FOXN3: variants seen among roughly 807,000 people sequenced by gnomAD.
FOXN3 encodes forkhead box protein N3.
In FOXN3, 7 loss-of-function variants were observed where a neutral mutation model predicts 38.4. The observed-to-expected ratio is 0.18, with a 90% CI of 0.10 to 0.34. The LOEUF is 0.34. Among genes scored for constraint, FOXN3 ranks in the 10% least tolerant of loss-of-function variants. The probability of loss-of-function intolerance (pLI) is 1.00; values close to 1 mark genes in which losing one functional copy is unlikely to be tolerated. For synonymous variants in FOXN3, 230 were observed against 242.2 expected (o/e 0.95, Z 0.47); for missense variants, 456 against 613.4 (o/e 0.74, Z 2.71).
chr14:89,382,909 A>G (rs1890689817), intron 2 of FOXN3, among the ~76,000 whole-genome samples: 1 of 152,130 alleles, frequency 6.6e-6, no homozygotes, highest in Non-Finnish European at 1.5e-5. Flanking sequence ...CCTGGGTCCA[A>G]GACGGGAGAA....
At chr14:89,198,147 T>A (rs759993771) in intron 4 of FOXN3, among the ~76,000 whole-genome samples, 1 of 152,222 alleles carries the variant, frequency 6.6e-6, no homozygotes, top group Non-Finnish European at 1.5e-5. Flanking sequence ...CTGACATGTA[T>A]ACTATGTAGT....
At chr14:89,605,358 T>C (rs1896249940) in intron 1 of FOXN3, among the ~76,000 whole-genome samples, 1 of 151,842 alleles carries the variant, frequency 6.6e-6, no homozygotes, top group African/African-American at 2.4e-5. Context: ...TAGAAAAGGA[T>C]CTAGAAATAA....
intron 2 of FOXN3, among the ~76,000 whole-genome samples, chr14:89,362,498 T>C (rs1311080290): frequency 0.015 from 3 of 204 alleles, no homozygotes; most frequent in African/African-American, 0.026. Context: ...ACCACCACCA[T>C]CTCCACCACC....
chr14:89,376,725 C>T (rs1020475248), intron 2 of FOXN3, among the ~76,000 whole-genome samples: 1 of 151,866 alleles, frequency 6.6e-6, no homozygotes, highest in African/African-American at 2.4e-5. Flanking sequence ...TTTAAATAAG[C>T]TTGAGCTGCC....
intron 4 of FOXN3, among the ~76,000 whole-genome samples, chr14:89,181,710 G>T (rs1887679631): frequency 6.6e-6 from 1 of 152,172 alleles, no homozygotes; most frequent in South Asian, 2.1e-4. Context: ...TTGTCTGAGG[G>T]TTACCTAAGA....
At chr14:89,508,640 G>A (rs1055309418) in intron 1 of FOXN3, among the ~76,000 whole-genome samples, 1 of 152,182 alleles carries the variant, frequency 6.6e-6, no homozygotes. Flanking sequence ...GACATGTTTT[G>A]AGCAGCCCCC....
chr14:89,463,107 G>A (rs934147304), intron 1 of FOXN3, among the ~76,000 whole-genome samples: 1 of 149,864 alleles, frequency 6.7e-6, no homozygotes. Context: ...GGCTAACACG[G>A]TGAAACCCCG....
At chr14:89,298,612 A>G (rs1305428406) in intron 3 of FOXN3, among the ~76,000 whole-genome samples, 1 of 152,228 alleles carries the variant, frequency 6.6e-6, no homozygotes. Context: ...TACATAAGGC[A>G]GGTGACACCT....
At chr14:89,380,621 G>A (rs951933248) in intron 2 of FOXN3, among the ~76,000 whole-genome samples, 6 of 152,188 alleles carry the variant, frequency 3.9e-5, no homozygotes, top group East Asian at 1.9e-4. Flanking sequence ...CTTATAAGTC[G>A]TATCAGCAAT....
intron 1 of FOXN3, among the ~76,000 whole-genome samples, chr14:89,414,810 C>CA (rs1379097332): frequency 6.6e-6 from 1 of 152,166 alleles, no homozygotes; most frequent in Non-Finnish European, 1.5e-5. Context: ...CTCGGCCTCC[C>CA]AAAGTGCTGG....
chr14:89,395,485 C>T (rs1488578714), intron 2 of FOXN3, among the ~76,000 whole-genome samples: 1 of 152,132 alleles, frequency 6.6e-6, no homozygotes, highest in East Asian at 1.9e-4. Context: ...TGAAGCAGCA[C>T]TCACACCCTC....
chr14:89,589,583 C>T (rs1468227109), intron 1 of FOXN3, among the ~76,000 whole-genome samples: 4 of 151,994 alleles, frequency 2.6e-5, no homozygotes, highest in Non-Finnish European at 2.9e-5. Flanking sequence ...GGTCTATAGG[C>T]GAACAGTTGC....
rs533793341 is a variant in FOXN3 at position 89,157,454 on chromosome 14, G to A, written c.*4960C>T. On this transcript the variant is annotated 3_prime_UTR_variant, in exon 6 of 6. Coordinates refer to ENST00000557258, the MANE Select transcript of FOXN3 (RefSeq NM_005197.4). ...ACACAAGGAGTTAACCACCATCGCC[G>A]GTGCTCTCTCAAAGGAAGAGGGGTT... The A allele has an allele frequency of 5.9e-5, 9 of 152,682 alleles. No homozygotes were observed. The highest frequency in any genetic ancestry group is 1.9e-4 in the African/African-American group (8 of 41,532). 9.5% of individuals were successfully genotyped at this position (152,682 alleles called of 1,614,324 possible). A position where few individuals can be genotyped will look rare whatever the true frequency, so the allele number is the denominator to read the frequency against.
At chr14:89,443,222 C>T (rs974566420) in intron 1 of FOXN3, among the ~76,000 whole-genome samples, 4 of 152,174 alleles carry the variant, frequency 2.6e-5, no homozygotes, top group Admixed American at 2.0e-4. Flanking sequence ...GCATTTTAAA[C>T]GTGCAACAGG....
chr14:89,358,577 C>T (rs1026126273), intron 2 of FOXN3, among the ~76,000 whole-genome samples: 2 of 152,190 alleles, frequency 1.3e-5, no homozygotes, highest in Admixed American at 6.5e-5. Flanking sequence ...GTCTTAGTTT[C>T]CTCATCTATA....
At position 89,302,126 on chromosome 14, in the gene FOXN3, G is replaced by A. The variant is rs906332813; in HGVS notation, c.681-21112C>T. Reference sequence around the variant, plus strand: ...TTCCACCATCACATGGGCTGGAGCCGAAGAAACTGATTCTTACACACCTAG... The same window carrying A: ...TTCCACCATCACATGGGCTGGAGCCAAAGAAACTGATTCTTACACACCTAG... On this transcript the variant is annotated intron_variant, in intron 3 of 5. Transcript: ENST00000557258. 5.3e-5 allele frequency among the ~76,000 whole-genome samples: 8 copies of A among 152,150 alleles called. No homozygotes were observed. In the East Asian group the frequency reaches 9.6e-4, roughly 18 times the overall value.
chr14:89,460,485 G>T (rs139145470), intron 1 of FOXN3, among the ~76,000 whole-genome samples: 2,500 of 152,252 alleles, frequency 0.016, 41 homozygotes, highest in Non-Finnish European at 0.025. Flanking sequence ...ACAGTGAGCG[G>T]GCTTCATTTG....
At chr14:89,421,227 G>A (rs1767363250), upstream of FOXN3, among the ~76,000 whole-genome samples, 1 of 143,420 alleles carries the variant, frequency 7.0e-6, no homozygotes, top group African/African-American at 2.6e-5. Context: ...TCGGCTCACT[G>A]CAACCTCCAC....
chr14:89,519,289 G>A (rs895317881), intron 1 of FOXN3, among the ~76,000 whole-genome samples: 11 of 152,106 alleles, frequency 7.2e-5, no homozygotes, highest in East Asian at 5.8e-4. Context: ...CATGCCTGCC[G>A]AGAGAAAATT....
Sources: allele counts gnomAD v4.1 joint callset (sites outside exome capture counted in the v4.1 genomes callset), GRCh38; gene constraint gnomAD v4.1.1; transcripts MANE v1.5; gene names NCBI Gene and HGNC (gene_info 2026-07-23, HGNC 2026-07-21).